The following SARNP variants were observed in gnomAD, a reference collection of about 807,000 sequenced individuals.
SARNP encodes the protein SAP domain-containing ribonucleoprotein.
Under a neutral mutation model 38.1 loss-of-function variants are expected in SARNP, and 5 were observed. The ratio of observed to expected loss-of-function variants is 0.13; its 90% CI spans 0.07 to 0.28. The LOEUF is 0.28. SARNP is among the 10% of genes least tolerant of loss of function. The probability of loss-of-function intolerance (pLI) is 1.00; values close to 1 mark genes in which losing one functional copy is unlikely to be tolerated. For missense variants in SARNP, 180 were observed against 243.9 expected (o/e 0.74, Z 1.75); for synonymous variants, 84 against 80.6 (o/e 1.04, Z -0.23).
chr12:55,817,644 G>C, intron 1 of SARNP, 22 bp downstream of exon 1: 2 of 1,609,634 alleles, frequency 1.2e-6, no homozygotes, highest in South Asian at 2.2e-5. Flanking sequence ...GTCCAACTCA[G>C]CCCTTCCCCG....
chr12:55,794,387 C>T lies in SARNP; in HGVS notation c.378G>A (p.Arg126=). The T allele has an allele frequency of 6.2e-7, 1 of 1,605,836 alleles. No individual in the cohort carries two copies. The highest frequency in any genetic ancestry group is 1.3e-5 in the African/African-American group (1 of 74,418). The change falls in exon 7 of 11, where the codon AGG becomes AGA. Residue 126 remains arginine, a splice_region_variant and synonymous_variant. Coordinates refer to ENST00000336133, the MANE Select transcript of SARNP (RefSeq NM_033082.4). The part of the protein sequence containing the change: ...LESKKAARAA[R]FGISSVPTKG... ...TTGTTGGAACTGAAGAAATCCCAAACCTGAAGAAGGAAAAACAAACTAAAT... is the reference window on the plus strand; with the variant it reads ...TTGTTGGAACTGAAGAAATCCCAAATCTGAAGAAGGAAAAACAAACTAAAT...
intron 1 of SARNP, among the ~76,000 whole-genome samples, chr12:55,810,451 ATTTT>A (rs199532602): frequency 2.2e-5 from 3 of 136,044 alleles, no homozygotes; most frequent in African/African-American, 2.7e-5. Flanking sequence ...CTGACCTTGA[ATTTT>A]TTTTTTTTTT....
rs141735354 is a variant in SARNP at position 55,802,683 on chromosome 12, G to A, written c.136+946C>T. On this transcript the variant is annotated intron_variant, in intron 2 of 10. Coordinates refer to ENST00000336133, the MANE Select transcript of SARNP (RefSeq NM_033082.4). ...AAAACTAAAATCTGAAACACTTCTA[G>A]TCCCAAGCATTTCAAATATATAACA... Among the ~76,000 whole-genome samples, 852 of 151,050 alleles carry A rather than the reference G, an allele frequency of 5.6e-3. 4 individuals are homozygous for A. Among genetic ancestry groups the A allele is most frequent in the African/African-American group, 0.018 (739 of 41,210 alleles).
intron 9 of SARNP, among the ~76,000 whole-genome samples, chr12:55,765,242 A>G (rs902035848): frequency 2.0e-5 from 3 of 152,052 alleles, no homozygotes; most frequent in African/African-American, 4.8e-5. Flanking sequence ...CCCTCCCCCA[A>G]CGTATGTCCA....
chr12:55,753,325 C>T (rs1361895916), downstream of SARNP: 1 of 152,216 alleles, frequency 6.6e-6, no homozygotes, highest in Non-Finnish European at 1.5e-5. Context: ...AGCCAACGAA[C>T]TTGCCTTGTT....
At chr12:55,760,393 T>C in intron 10 of SARNP, 158 bp downstream of exon 10, 1 of 580,736 alleles carries the variant, frequency 1.7e-6, no homozygotes, top group East Asian at 2.8e-5. Context: ...TCTACTCAGT[T>C]TATTCACTCT....
intron 9 of SARNP, among the ~76,000 whole-genome samples, chr12:55,785,460 T>C (rs1456877261): frequency 6.6e-6 from 1 of 151,976 alleles, no homozygotes; most frequent in East Asian, 1.9e-4. Context: ...CACTGTTAGG[T>C]AATTTCGAAT....
intron 9 of SARNP, among the ~76,000 whole-genome samples, chr12:55,785,779 C>CAA (rs762555029): frequency 6.6e-5 from 6 of 90,700 alleles, no homozygotes; most frequent in Admixed American, 1.2e-4. Context: ...CTGTCTCAGA[C>CAA]AAAAAAAAAA....
At chr12:55,766,614 GGC>G (rs1878837910) in intron 9 of SARNP, among the ~76,000 whole-genome samples, 1 of 110,716 alleles carries the variant, frequency 9.0e-6, no homozygotes, top group African/African-American at 4.6e-5. Flanking sequence ...GGGTTTTTTT[GGC>G]GGGGGGGGGG....
At chr12:55,808,704 T>C (rs1880230836) in intron 1 of SARNP, among the ~76,000 whole-genome samples, 1 of 151,602 alleles carries the variant, frequency 6.6e-6, no homozygotes, top group African/African-American at 2.4e-5. Context: ...AAGGCTGCTA[T>C]GAACTGTGAT....
rs544589772 is a variant in SARNP at position 55,794,817 on chromosome 12, G to A, written c.367C>T (p.Arg123Trp). Residue 123 changes from arginine to tryptophan, a missense_variant, in exon 6 of 11, where the codon CGG becomes TGG. By Grantham distance (101) the Arg-to-Trp change is moderately radical (BLOSUM62 -3). This residue lies in a region of SARNP where 161 missense variants were observed against 194.1 expected (regional missense o/e 0.83). Coordinates refer to ENST00000336133, the MANE Select transcript of SARNP (RefSeq NM_033082.4). ...PVSLESKKAA[R>W]AARFGISSVP... ...GCTGGGGACACTCACCTAGCTGCCC[G>A]AGCAGCTTTCTTACTCTCCAAGCTC... 7 of 1,609,060 alleles carry A rather than the reference G, an allele frequency of 4.4e-6. No individual in the cohort carries two copies. Among genetic ancestry groups the A allele is most frequent in the South Asian group, 2.2e-5 (2 of 90,930 alleles).
intron 4 of SARNP, among the ~76,000 whole-genome samples, chr12:55,800,227 C>T (rs1306707043): frequency 2.0e-5 from 3 of 151,940 alleles, no homozygotes; most frequent in Non-Finnish European, 4.4e-5. Context: ...CACAGTTTTA[C>T]ACTGCATACA....
intron 1 of SARNP, 146 bp downstream of exon 1, chr12:55,817,520 G>A: frequency 1.4e-6 from 1 of 690,438 alleles, no homozygotes; most frequent in East Asian, 2.8e-5. Context: ...GCGTAGTGTG[G>A]AAGGGTGGCA....
chr12:55,755,432 T>C (rs1179645040), downstream of SARNP: 1 of 152,194 alleles, frequency 6.6e-6, no homozygotes, highest in Non-Finnish European at 1.5e-5. Context: ...CCACAGCTTT[T>C]ATAGACTCCC....
chr12:55,786,923 T>C (rs909493922), intron 9 of SARNP, among the ~76,000 whole-genome samples: 1 of 152,144 alleles, frequency 6.6e-6, no homozygotes, highest in Non-Finnish European at 1.5e-5. Flanking sequence ...GCTGTATTTC[T>C]AGTTAATATA....
intron 9 of SARNP, among the ~76,000 whole-genome samples, chr12:55,783,103 C>T (rs1478223122): frequency 1.3e-5 from 2 of 151,932 alleles, no homozygotes; most frequent in Admixed American, 6.6e-5. Context: ...GAGTTAGACC[C>T]TGTCTTAAAA....
intron 1 of SARNP, 143 bp from the exon 2 acceptor site, chr12:55,803,871 C>G: frequency 1.7e-6 from 1 of 579,270 alleles, no homozygotes; most frequent in Non-Finnish European, 3.1e-6. Context: ...GGCTCTAGGT[C>G]CACAAAGATG....
At chr12:55,797,671 A>G (rs565467975) in intron 4 of SARNP, among the ~76,000 whole-genome samples, 1 of 152,324 alleles carries the variant, frequency 6.6e-6, no homozygotes, top group Admixed American at 6.5e-5. Context: ...CCAGACGGGA[A>G]GTTTCCTTCC....
chr12:55,762,408 G>C (rs992725243), intron 9 of SARNP, among the ~76,000 whole-genome samples: 1 of 151,802 alleles, frequency 6.6e-6, no homozygotes, highest in African/African-American at 2.4e-5. Flanking sequence ...CAAGTAGCTG[G>C]ACTACAGGCA....
Sources: allele counts gnomAD v4.1 joint callset (sites outside exome capture counted in the v4.1 genomes callset), GRCh38; gene constraint gnomAD v4.1.1; regional missense constraint gnomAD v4.1.1; transcripts MANE v1.5; gene names NCBI Gene and HGNC (gene_info 2026-07-23, HGNC 2026-07-21).